The following SOX5 variants were observed in gnomAD, a reference collection of about 807,000 sequenced individuals.
The protein encoded by SOX5 is SRY-box transcription factor 5.
Under a neutral mutation model 92.0 loss-of-function variants are expected in SOX5, and 9 were observed. That is an observed-to-expected ratio of 0.10 (90% CI 0.06 to 0.17). The LOEUF is 0.17. Among genes scored for constraint, SOX5 ranks in the 10% least tolerant of loss-of-function variants. The probability of loss-of-function intolerance (pLI) is 1.00; values close to 1 mark genes in which losing one functional copy is unlikely to be tolerated. For missense variants in SOX5, 642 were observed against 944.5 expected (o/e 0.68, Z 4.20); for synonymous variants, 344 against 336.3 (o/e 1.02, Z -0.25).
intron 4 of SOX5, among the ~76,000 whole-genome samples, chr12:24,196,028 AC>A (rs1324245684): frequency 9.9e-5 from 15 of 152,170 alleles, no homozygotes; most frequent in African/African-American, 2.2e-4. Context: ...GGAATCACAT[AC>A]GTGCGCCACC....
chr12:24,225,923 T>C (rs1045621469), intron 3 of SOX5, among the ~76,000 whole-genome samples: 7 of 152,166 alleles, frequency 4.6e-5, no homozygotes, highest in African/African-American at 1.7e-4. Context: ...TTCCTGTTAG[T>C]TGTAGGAATC....
chr12:24,195,511 G>A (rs1005828934), intron 4 of SOX5, among the ~76,000 whole-genome samples: 25 of 152,092 alleles, frequency 1.6e-4, no homozygotes, highest in Non-Finnish European at 2.8e-4. Flanking sequence ...ACATATTTCC[G>A]TTGTACATAT....
At chr12:24,478,774 C>G (rs1397265453) in intron 1 of SOX5, among the ~76,000 whole-genome samples, 3 of 152,210 alleles carry the variant, frequency 2.0e-5, no homozygotes, top group African/African-American at 7.2e-5. Context: ...CATTCTCACA[C>G]TAGCTCAGGA....
chr12:24,335,972 C>CACATATATATATATATATATATATATAT (rs1951828685), intron 2 of SOX5, among the ~76,000 whole-genome samples: 1 of 58,612 alleles, frequency 1.7e-5, no homozygotes, highest in Non-Finnish European at 3.1e-5. Flanking sequence ...GAAATGCTAT[C>CACATATATATATATATATATATATATAT]ATATATATAT....
intron 1 of SOX5, among the ~76,000 whole-genome samples, chr12:24,459,741 G>A (rs1476401356): frequency 6.6e-6 from 1 of 152,008 alleles, no homozygotes; most frequent in Non-Finnish European, 1.5e-5. Context: ...ATATGAACAA[G>A]AATAATGCTT....
chr12:24,326,147 G>A (rs1399727020), intron 2 of SOX5, among the ~76,000 whole-genome samples: 1 of 152,124 alleles, frequency 6.6e-6, no homozygotes, highest in Non-Finnish European at 1.5e-5. Flanking sequence ...CACAGAGTGG[G>A]TGGGTACCTA....
At chr12:24,132,346 C>A (rs369097921) in intron 4 of SOX5, among the ~76,000 whole-genome samples, 1 of 152,086 alleles carries the variant, frequency 6.6e-6, no homozygotes, top group East Asian at 1.9e-4. Flanking sequence ...GATAACTAAC[C>A]TTTTGTTAAG....
chr12:23,813,115 A>G lies in SOX5; in HGVS notation c.481+32868T>C, dbSNP rs575613301. ...GCCTTATGGTTATTTTAAAGTTTTCAGTGTATCGGGCATACAACAATAATT... is the reference window on the plus strand; with the variant it reads ...GCCTTATGGTTATTTTAAAGTTTTCGGTGTATCGGGCATACAACAATAATT... On this transcript the variant is annotated intron_variant, in intron 3 of 14. Transcript: ENST00000451604. 2.6e-5 allele frequency among the ~76,000 whole-genome samples: 4 copies of G among 152,286 alleles called. 1 individual carries two copies. The South Asian group carries it at 6.2e-4, about 24-fold the overall frequency.
chr12:23,541,419 T>C (rs1808934310), intron 13 of SOX5, among the ~76,000 whole-genome samples: 2 of 152,196 alleles, frequency 1.3e-5, no homozygotes, highest in South Asian at 4.1e-4. Context: ...AAACATGAAA[T>C]ATGCTTACAT....
chr12:23,745,878 T>C (rs901557375), intron 4 of SOX5, among the ~76,000 whole-genome samples: 6 of 152,180 alleles, frequency 3.9e-5, no homozygotes, highest in African/African-American at 1.4e-4. Flanking sequence ...CTGTAAATGA[T>C]GGACTTTTCT....
intron 4 of SOX5, among the ~76,000 whole-genome samples, chr12:23,742,572 C>T (rs777084657): frequency 2.6e-5 from 4 of 152,112 alleles, no homozygotes; most frequent in Non-Finnish European, 5.9e-5. Flanking sequence ...GCAAGATAAA[C>T]ATCTTCCTAC....
intron 2 of SOX5, among the ~76,000 whole-genome samples, chr12:24,338,692 G>A (rs7958483): frequency 0.13 from 20,323 of 152,134 alleles, 1,733 homozygotes; most frequent in Non-Finnish European, 0.19. Flanking sequence ...TAATTGAATC[G>A]TGAGGGCAGT....
At chr12:23,652,164 T>A (rs944021611) in intron 7 of SOX5, among the ~76,000 whole-genome samples, 2 of 152,058 alleles carry the variant, frequency 1.3e-5, no homozygotes, top group African/African-American at 4.8e-5. Context: ...TAATGACCTC[T>A]GAATTGCCAA....
intron 1 of SOX5, among the ~76,000 whole-genome samples, chr12:23,901,861 A>T (rs901918937): frequency 2.0e-5 from 3 of 152,212 alleles, no homozygotes; most frequent in African/African-American, 7.2e-5. Flanking sequence ...TTTAAGATTA[A>T]ATCTTATAGG....
At chr12:24,024,189 T>C (rs535907911) in intron 4 of SOX5, among the ~76,000 whole-genome samples, 2 of 152,158 alleles carry the variant, frequency 1.3e-5, no homozygotes, top group South Asian at 4.1e-4. Flanking sequence ...TTTTGGAATA[T>C]AATGAAAAAT....
At chr12:24,462,314 T>C (rs766735934) in intron 1 of SOX5, among the ~76,000 whole-genome samples, 1 of 152,216 alleles carries the variant, frequency 6.6e-6, no homozygotes, top group Non-Finnish European at 1.5e-5. Context: ...AATATAGTAT[T>C]ATAATCTTAT....
intron 4 of SOX5, among the ~76,000 whole-genome samples, chr12:24,197,085 G>A (rs1189589869): frequency 1.3e-5 from 2 of 152,152 alleles, no homozygotes; most frequent in Non-Finnish European, 2.9e-5. Context: ...CTAGCCTATA[G>A]GAAAACATTT....
At chr12:24,391,851 T>G (rs1959027830) in intron 1 of SOX5, among the ~76,000 whole-genome samples, 1 of 152,206 alleles carries the variant, frequency 6.6e-6, no homozygotes, top group African/African-American at 2.4e-5. Context: ...TTCCTTCATT[T>G]TAAATTCAGG....
intron 9 of SOX5, among the ~76,000 whole-genome samples, chr12:23,580,127 A>G (rs987980636): frequency 5.9e-5 from 9 of 152,090 alleles, no homozygotes; most frequent in African/African-American, 2.2e-4. Context: ...AGGGTTCATT[A>G]TAAGTATTCC....
Sources: gnomAD v4.1 joint callset for allele counts (sites outside exome capture counted in the v4.1 genomes callset) on GRCh38, gnomAD v4.1.1 for gene constraint, MANE v1.5 for transcripts, NCBI Gene and HGNC (gene_info 2026-07-23, HGNC 2026-07-21) for gene names.